PIP5K1B: variants seen among roughly 807,000 people sequenced by gnomAD.
The protein encoded by PIP5K1B is phosphatidylinositol-4-phosphate 5-kinase type 1 beta.
A neutral mutation model predicts 67.0 loss-of-function variants in PIP5K1B; 42 were observed. That is an observed-to-expected ratio of 0.63 (90% confidence interval 0.49 to 0.81). PIP5K1B has a LOEUF of 0.81. PIP5K1B is among the 30% of genes least tolerant of loss of function. The pLI is 0.00. For missense variants in PIP5K1B, 459 were observed against 646.3 expected (o/e 0.71, Z 3.14); for synonymous variants, 214 against 231.4 (o/e 0.92, Z 0.68).
At chr9:68,784,205 A>G (rs1311604048) in intron 2 of PIP5K1B, 1 of 167,110 alleles carries the variant, frequency 6.0e-6, no homozygotes, top group Non-Finnish European at 1.5e-5. Context: ...TGTAGACTGT[A>G]AGGGCTTACT....
At chr9:68,828,346 C>A (rs1834096994) in intron 4 of PIP5K1B, among the ~76,000 whole-genome samples, 1 of 152,206 alleles carries the variant, frequency 6.6e-6, no homozygotes, top group Non-Finnish European at 1.5e-5. Flanking sequence ...TGTGCAGAGT[C>A]TTTTTAGCTG....
chr9:68,938,074 G>T (rs1351144325), intron 13 of PIP5K1B, among the ~76,000 whole-genome samples: 1 of 152,198 alleles, frequency 6.6e-6, no homozygotes, highest in Non-Finnish European at 1.5e-5. Flanking sequence ...TGTATATTCT[G>T]TTGATTTGGG....
Position 68,934,906 on chromosome 9 carries a change from G to A in PIP5K1B, c.1218G>A (p.Pro406=), listed in dbSNP as rs575384412. Residue 406 remains proline (P), a synonymous_variant, in exon 13 of 16, where the codon CCG becomes CCA. Transcript: ENST00000265382. ...TCTGTCTAGCTTTGAAGGCTTCACC[G>A]TCTAAGAAACGGTGCAATTCAATCG... is the stretch of plus-strand genomic sequence containing the variant. ...FKKIQALKAS[P]SKKRCNSIAA... The A allele has an allele frequency of 1.2e-5, 19 of 1,610,584 alleles. No individual in the cohort carries two copies. The East Asian group carries it at 2.2e-4, about 19-fold the overall frequency.
At chr9:68,880,592 T>TACACAC (rs763461495) in intron 6 of PIP5K1B, among the ~76,000 whole-genome samples, 2 of 77,004 alleles carry the variant, frequency 2.6e-5, no homozygotes, top group African/African-American at 7.3e-5. Flanking sequence ...CACACACGCA[T>TACACAC]ACACACACAC....
intron 4 of PIP5K1B, among the ~76,000 whole-genome samples, chr9:68,857,259 A>G (rs1822826082): frequency 6.6e-6 from 1 of 152,238 alleles, no homozygotes. Context: ...GTAATTTATT[A>G]TAGAAGCAAC....
intron 2 of PIP5K1B, chr9:68,781,884 A>G (rs1831307850): frequency 6.0e-6 from 1 of 167,036 alleles, no homozygotes. Flanking sequence ...AAGTTTTTCA[A>G]ATGTGGGAAA....
At chr9:68,736,333 T>C (rs1386020676) in intron 1 of PIP5K1B, among the ~76,000 whole-genome samples, 1 of 152,246 alleles carries the variant, frequency 6.6e-6, no homozygotes, top group Non-Finnish European at 1.5e-5. Flanking sequence ...TTTGTATGCA[T>C]ATTTCACATG....
chr9:68,954,309 T>A (rs1828261382), intron 14 of PIP5K1B, among the ~76,000 whole-genome samples: 1 of 152,176 alleles, frequency 6.6e-6, no homozygotes, highest in Admixed American at 6.5e-5. Flanking sequence ...TTTAACCCTT[T>A]ATTGTAGTGT....
intron 2 of PIP5K1B, among the ~76,000 whole-genome samples, chr9:68,746,193 C>G (rs1246854140): frequency 1.3e-5 from 2 of 151,236 alleles, no homozygotes; most frequent in Non-Finnish European, 2.9e-5. Context: ...ACTCTTGTGC[C>G]TCAGCCTCCC....
intron 14 of PIP5K1B, among the ~76,000 whole-genome samples, chr9:68,971,460 T>C (rs1340151954): frequency 6.6e-6 from 1 of 152,232 alleles, no homozygotes; most frequent in Non-Finnish European, 1.5e-5. Context: ...AACATACTTG[T>C]GCGTGTGTCT....
intron 1 of PIP5K1B, among the ~76,000 whole-genome samples, chr9:68,733,754 G>A (rs760596066): frequency 7.6e-5 from 11 of 145,150 alleles, no homozygotes; most frequent in Non-Finnish European, 1.3e-4. Flanking sequence ...ATTCTCCTGC[G>A]TCAGCCACCC....
intron 15 of PIP5K1B, among the ~76,000 whole-genome samples, chr9:68,997,202 G>A (rs1407393443): frequency 6.6e-6 from 1 of 152,216 alleles, no homozygotes; most frequent in Non-Finnish European, 1.5e-5. Context: ...TATGGAAAAA[G>A]CGTGAGAAAG....
At chr9:68,901,490 C>A (rs544485831) in intron 8 of PIP5K1B, among the ~76,000 whole-genome samples, 1 of 152,288 alleles carries the variant, frequency 6.6e-6, no homozygotes, top group South Asian at 2.1e-4. Context: ...AACTCCTGAT[C>A]TCAAATGATC....
chr9:68,852,055 C>T (rs182055783), intron 4 of PIP5K1B, among the ~76,000 whole-genome samples: 24 of 152,166 alleles, frequency 1.6e-4, no homozygotes, highest in Admixed American at 1.4e-3. Context: ...CACACCGGGG[C>T]CTATCGGCAG....
intron 4 of PIP5K1B, among the ~76,000 whole-genome samples, chr9:68,851,592 G>A (rs999593771): frequency 1.3e-5 from 2 of 152,218 alleles, no homozygotes; most frequent in African/African-American, 4.8e-5. Flanking sequence ...AATGAACAGA[G>A]GCTGTGTAGA....
intron 2 of PIP5K1B, among the ~76,000 whole-genome samples, chr9:68,775,920 A>T (rs924812084): frequency 1.3e-5 from 2 of 152,148 alleles, no homozygotes; most frequent in African/African-American, 4.8e-5. Context: ...GCTATTACAC[A>T]TAATAATAAT....
In PIP5K1B at chr9:68,830,130, C is replaced by CA. The variant is rs548319037; in HGVS notation, c.69+7458dup. Among the ~76,000 whole-genome samples, 189 of 144,012 alleles carry CA rather than the reference C, an allele frequency of 1.3e-3. 1 individual carries two copies. Among genetic ancestry groups the CA allele is most frequent in the Middle Eastern group, 7.2e-3 (2 of 278 alleles). 94.5% of individuals were successfully genotyped at this position (144,012 alleles called of 152,430 possible). ...TAGGCAACAGAGCAAGACCCCATCT[C>CA]AAAAAAAAAAATAGTAAACTGCTGT... On this transcript the variant is annotated intron_variant, in intron 4 of 15. Coordinates refer to ENST00000265382, the MANE Select transcript of PIP5K1B (RefSeq NM_003558.4).
chr9:68,886,243 G>T (rs1286168264), intron 6 of PIP5K1B, among the ~76,000 whole-genome samples: 1 of 152,106 alleles, frequency 6.6e-6, no homozygotes, highest in Non-Finnish European at 1.5e-5. Flanking sequence ...GCTAGGCTGG[G>T]TCTGTCTCAC....
At chr9:68,938,862 A>G (rs111969857) in intron 13 of PIP5K1B, among the ~76,000 whole-genome samples, 1,847 of 152,254 alleles carry the variant, frequency 0.012, 23 homozygotes, top group Middle Eastern at 0.024. Context: ...AGAATGTCCT[A>G]CAAGTCAGCC....
Sources: allele counts gnomAD v4.1 joint callset (sites outside exome capture counted in the v4.1 genomes callset), GRCh38; gene constraint gnomAD v4.1.1; transcripts MANE v1.5; gene names NCBI Gene and HGNC (gene_info 2026-07-23, HGNC 2026-07-21).